Variants in EEFSEC observed in about 807,000 individuals in gnomAD.
The protein encoded by EEFSEC is eukaryotic elongation factor, selenocysteine-tRNA specific.
In EEFSEC, 43 loss-of-function variants were observed where a neutral mutation model predicts 42.1. The ratio of observed to expected loss-of-function variants is 1.02; its 90% CI spans 0.80 to 1.32. EEFSEC has a LOEUF of 1.32. Among genes scored for constraint, EEFSEC ranks in the 40% most tolerant of loss-of-function variants. The pLI, the probability that EEFSEC is intolerant of heterozygous loss-of-function variation, is 0.00. For missense variants in EEFSEC, 745 were observed against 803.6 expected (o/e 0.93, Z 0.88); for synonymous variants, 354 against 339.1 (o/e 1.04, Z -0.48).
chr3:128,398,729 C>T (rs1221639218), intron 6 of EEFSEC, among the ~76,000 whole-genome samples: 16 of 152,300 alleles, frequency 1.1e-4, no homozygotes, highest in African/African-American at 3.8e-4. Context: ...GCGCCCCACT[C>T]GCAGCTGTGT....
At chr3:128,348,458 AT>A (rs2067343730) in intron 5 of EEFSEC, among the ~76,000 whole-genome samples, 1 of 152,138 alleles carries the variant, frequency 6.6e-6, no homozygotes, top group Non-Finnish European at 1.5e-5. Context: ...AAAGCTTTAG[AT>A]TTGTTCAAAG....
At chr3:128,322,238 C>T (rs766862116) in intron 4 of EEFSEC, among the ~76,000 whole-genome samples, 35 of 152,376 alleles carry the variant, frequency 2.3e-4, no homozygotes, top group Non-Finnish European at 4.0e-4. Flanking sequence ...AGCTCTGCCA[C>T]CTGCTGGCTG....
rs190497720 is a variant in EEFSEC at position 128,291,121 on chromosome 3, T to A, written c.786+26340T>A. On this transcript the variant is annotated intron_variant, in intron 4 of 6. Transcript: ENST00000254730. The stretch of plus-strand genomic sequence containing the variant: ...TTTCTAGGTATTTCTAAGTATTTTT[T>A]TTTTACTTTTTTGAGACAGGCTTGC... 3.1e-4 allele frequency among the ~76,000 whole-genome samples: 47 copies of A among 152,326 alleles called. No individual in the cohort carries two copies. In the East Asian group the frequency reaches 8.3e-3, roughly 27 times the overall value.
intron 1 of EEFSEC, among the ~76,000 whole-genome samples, chr3:128,162,182 G>A (rs942468398): frequency 6.6e-6 from 1 of 152,156 alleles, no homozygotes; most frequent in Non-Finnish European, 1.5e-5. Context: ...TTAGTTCCCT[G>A]TTTCTTTGTG....
chr3:128,227,623 G>A (rs921540453), intron 1 of EEFSEC, among the ~76,000 whole-genome samples: 2 of 152,300 alleles, frequency 1.3e-5, no homozygotes, highest in Non-Finnish European at 2.9e-5. Context: ...TGGTGAGAGC[G>A]GCATTAACTC....
chr3:128,385,642 T>C (rs772946612), intron 6 of EEFSEC, among the ~76,000 whole-genome samples: 6 of 152,250 alleles, frequency 3.9e-5, no homozygotes, highest in Non-Finnish European at 8.8e-5. Flanking sequence ...GACTGTTTTA[T>C]ATGAGTTACC....
the EEFSEC span, among the ~76,000 whole-genome samples, chr3:128,425,273 C>G: frequency 1.3e-5 from 2 of 152,230 alleles, no homozygotes; most frequent in African/African-American, 2.4e-5. Context: ...TGGGATCACA[C>G]TGTGTGTGGA....
chr3:128,290,033 T>C (rs2066626269), intron 4 of EEFSEC, among the ~76,000 whole-genome samples: 1 of 152,270 alleles, frequency 6.6e-6, no homozygotes, highest in African/African-American at 2.4e-5. Context: ...GGTCTATAAA[T>C]TGCCTTTTCA....
At chr3:128,416,459 G>A in the EEFSEC span, among the ~76,000 whole-genome samples, 12 of 152,248 alleles carry the variant, frequency 7.9e-5, no homozygotes, top group Admixed American at 2.0e-4. Context: ...GTCTCTGCTC[G>A]GCCATGCCCC....
At chr3:128,284,795 A>G (rs2066565864) in intron 4 of EEFSEC, among the ~76,000 whole-genome samples, 1 of 151,980 alleles carries the variant, frequency 6.6e-6, no homozygotes, top group African/African-American at 2.4e-5. Context: ...TGGAGCCGCC[A>G]CCACCCTGCC....
chr3:128,228,617 A>C (rs1009345455), intron 1 of EEFSEC, among the ~76,000 whole-genome samples: 3 of 151,634 alleles, frequency 2.0e-5, no homozygotes, highest in Non-Finnish European at 4.4e-5. Flanking sequence ...TGTGACCCTC[A>C]CTCTCTTCTC....
intron 6 of EEFSEC, among the ~76,000 whole-genome samples, chr3:128,398,510 T>C (rs2068009963): frequency 6.6e-6 from 1 of 151,384 alleles, no homozygotes; most frequent in Admixed American, 6.6e-5. Flanking sequence ...CTGAGAGGAA[T>C]GTTGGGGTTT....
At chr3:128,318,861 A>G (rs756316806) in intron 4 of EEFSEC, among the ~76,000 whole-genome samples, 3 of 152,198 alleles carry the variant, frequency 2.0e-5, no homozygotes, top group Non-Finnish European at 4.4e-5. Context: ...TGGGCCAGGC[A>G]CCTGCGTGTA....
At chr3:128,193,942 T>G (rs2065553997) in intron 1 of EEFSEC, among the ~76,000 whole-genome samples, 1 of 152,056 alleles carries the variant, frequency 6.6e-6, no homozygotes, top group African/African-American at 2.4e-5. Context: ...GAAGGCTGAG[T>G]AGCGGTTTTC....
the EEFSEC span, among the ~76,000 whole-genome samples, chr3:128,422,988 G>C: frequency 6.6e-6 from 1 of 152,224 alleles, no homozygotes; most frequent in Non-Finnish European, 1.5e-5. Context: ...ACCAACCATG[G>C]CAGCTTTGCT....
At chr3:128,399,687 T>C (rs2068026440) in intron 6 of EEFSEC, among the ~76,000 whole-genome samples, 1 of 151,830 alleles carries the variant, frequency 6.6e-6, no homozygotes, top group African/African-American at 2.4e-5. Context: ...AGAGTCGCTG[T>C]CACTGCTCAC....
At chr3:128,318,350 T>A (rs924109816) in intron 4 of EEFSEC, among the ~76,000 whole-genome samples, 3 of 152,350 alleles carry the variant, frequency 2.0e-5, no homozygotes, top group Admixed American at 6.5e-5. Flanking sequence ...GTGACTGTTT[T>A]CCATCTCTGG....
intron 4 of EEFSEC, among the ~76,000 whole-genome samples, chr3:128,275,223 A>G (rs2107954456): frequency 6.6e-6 from 1 of 152,258 alleles, no homozygotes; most frequent in South Asian, 2.1e-4. Flanking sequence ...CCCAGCTGGG[A>G]GTGGCCTTGG....
the EEFSEC span, among the ~76,000 whole-genome samples, chr3:128,418,732 C>G: frequency 2.0e-5 from 3 of 152,108 alleles, no homozygotes; most frequent in Non-Finnish European, 4.4e-5. Context: ...GCCGGGGTGC[C>G]CTGACTCTGC....
Sources: gnomAD v4.1 joint callset for allele counts (sites outside exome capture counted in the v4.1 genomes callset) on GRCh38, gnomAD v4.1.1 for gene constraint, MANE v1.5 for transcripts, NCBI Gene and HGNC (gene_info 2026-07-23, HGNC 2026-07-21) for gene names.